Variants in FRMD4B observed in about 807,000 individuals in gnomAD.
FRMD4B encodes the protein FERM domain containing 4B.
FRMD4B carries 74 observed loss-of-function variants against 141.5 expected under a neutral mutation model. The ratio of observed to expected loss-of-function variants is 0.52; its 90% CI spans 0.43 to 0.63. The LOEUF is 0.63. FRMD4B is among the 30% of genes least tolerant of loss of function. FRMD4B has a pLI of 0.00. For synonymous variants in FRMD4B, 506 were observed against 467.9 expected, an observed-to-expected ratio of 1.08 and a Z score of -1.05; for missense variants, 1,366 against 1,253.4, an observed-to-expected ratio of 1.09 and a Z score of -1.36.
At chr3:69,464,843 C>T (rs1208145800) in intron 1 of FRMD4B, among the ~76,000 whole-genome samples, 3 of 152,132 alleles carry the variant, frequency 2.0e-5, no homozygotes, top group Admixed American at 6.5e-5. Context: ...AATTACAACA[C>T]GGCAATGAAA....
intron 1 of FRMD4B, among the ~76,000 whole-genome samples, chr3:69,465,575 G>A (rs1376337871): frequency 6.7e-6 from 1 of 149,404 alleles, no homozygotes; most frequent in Non-Finnish European, 1.5e-5. Flanking sequence ...GGTGTGTGAC[G>A]TTCCCCACCC....
chr3:69,491,383 A>T (rs1706298691), intron 1 of FRMD4B, among the ~76,000 whole-genome samples: 1 of 152,192 alleles, frequency 6.6e-6, no homozygotes, highest in East Asian at 1.9e-4. Flanking sequence ...GGAAAAAAGA[A>T]AGAAAAAGAT....
chr3:69,521,292 T>A (rs1700850032), intron 1 of FRMD4B, among the ~76,000 whole-genome samples: 1 of 152,184 alleles, frequency 6.6e-6, no homozygotes, highest in African/African-American at 2.4e-5. Flanking sequence ...CAAAATTAAC[T>A]TCTTGGCAGT....
intron 11 of FRMD4B, chr3:69,200,878 A>T (rs923530060): frequency 1.1e-5 from 5 of 458,542 alleles, no homozygotes; most frequent in South Asian, 7.7e-5. Context: ...CTTTGCGTCC[A>T]TTCCCACACA....
chr3:69,225,047 T>C (rs1010282406), intron 7 of FRMD4B, among the ~76,000 whole-genome samples: 48 of 152,110 alleles, frequency 3.2e-4, no homozygotes, highest in African/African-American at 1.0e-3. Flanking sequence ...ATATTCATCA[T>C]GGTGGAATAC....
At chr3:69,280,766 C>T (rs2093641117) in intron 5 of FRMD4B, among the ~76,000 whole-genome samples, 1 of 150,394 alleles carries the variant, frequency 6.6e-6, no homozygotes, top group African/African-American at 2.5e-5. Context: ...ACCATAGGTA[C>T]ATGTCACCAA....
chr3:69,267,577 ATGTG>A (rs757634766), intron 5 of FRMD4B, among the ~76,000 whole-genome samples: 499 of 45,258 alleles, frequency 0.011, 14 homozygotes, highest in African/African-American at 0.042. Context: ...ATATATATAT[ATGTG>A]TGTGTGTGTG....
chr3:69,212,381 G>GAAAAAAAAAAAAAAAAAAAAAAAAAAA (rs61444871), intron 11 of FRMD4B, among the ~76,000 whole-genome samples: 1 of 95,598 alleles, frequency 1.0e-5, no homozygotes, highest in Non-Finnish European at 1.9e-5. Flanking sequence ...AAAAAAAAAA[G>GAAAAAAAAAAAAAAAAAAAAAAAAAAA]AAAAAAAAAA....
intron 2 of FRMD4B, among the ~76,000 whole-genome samples, chr3:69,402,547 GGGGA>G (rs1704582586): frequency 2.0e-5 from 3 of 152,180 alleles, no homozygotes; most frequent in Admixed American, 6.5e-5. Flanking sequence ...GCTTTGAGAA[GGGGA>G]GGATGTTTTG....
chr3:69,349,422 C>G (rs1446377871), intron 1 of FRMD4B, among the ~76,000 whole-genome samples: 1 of 152,148 alleles, frequency 6.6e-6, no homozygotes, highest in African/African-American at 2.4e-5. Context: ...AGATTCAAAG[C>G]CATTCCCATC....
intron 1 of FRMD4B, among the ~76,000 whole-genome samples, chr3:69,348,136 A>G (rs865798344): frequency 1.3e-5 from 2 of 152,234 alleles, no homozygotes; most frequent in Non-Finnish European, 2.9e-5. Flanking sequence ...TGCAATAAAA[A>G]ATGATAAAGG....
Position 69,383,322 on chromosome 3 carries a change from T to C in FRMD4B, c.162+2506A>G, listed in dbSNP as rs553182046. On this transcript the variant is annotated intron_variant, in intron 1 of 22. Transcript: ENST00000398540. ...AATGATCTTCCTTTGCAAAGGATTA[T>C]GTTGCACAATTAAGAATATTCAAAG... Among the ~76,000 whole-genome samples, 6 of 152,376 alleles carry C rather than the reference T, an allele frequency of 3.9e-5. No individual in the cohort carries two copies. The South Asian group carries it at 1.2e-3, about 32-fold the overall frequency.
chr3:69,496,637 A>AGAGAGAAAGAGAGAG (rs1706399949), intron 1 of FRMD4B, among the ~76,000 whole-genome samples: 1 of 56,474 alleles, frequency 1.8e-5, no homozygotes, highest in African/African-American at 8.1e-5. Context: ...GAGAGAGAGA[A>AGAGAGAAAGAGAGAG]AGAGAGAGAG....
At chr3:69,301,935 G>A (rs1701231282) in intron 4 of FRMD4B, among the ~76,000 whole-genome samples, 1 of 152,160 alleles carries the variant, frequency 6.6e-6, no homozygotes, top group African/African-American at 2.4e-5. Context: ...TTATTTTTAA[G>A]TCTGTAGAAA....
intron 1 of FRMD4B, among the ~76,000 whole-genome samples, chr3:69,470,402 A>C (rs1008070317): frequency 6.6e-6 from 1 of 152,176 alleles, no homozygotes; most frequent in African/African-American, 2.4e-5. Flanking sequence ...GTTCTACTTC[A>C]AATTACCAGT....
At chr3:69,223,591 C>T (rs1318703125) in intron 8 of FRMD4B, among the ~76,000 whole-genome samples, 1 of 152,036 alleles carries the variant, frequency 6.6e-6, no homozygotes, top group Non-Finnish European at 1.5e-5. Flanking sequence ...GTAATCCCAG[C>T]ATTTTGGGAG....
At chr3:69,263,396 C>CTTTTTTTTT (rs67497031) in intron 5 of FRMD4B, among the ~76,000 whole-genome samples, 3 of 72,918 alleles carry the variant, frequency 4.1e-5, no homozygotes, top group African/African-American at 1.2e-4. Context: ...GTTACATGCA[C>CTTTTTTTTT]TTTTTTTTTT....
At chr3:69,540,357 G>A (rs6549232) in intron 1 of FRMD4B, among the ~76,000 whole-genome samples, 27,948 of 151,482 alleles carry the variant, frequency 0.18, 2,756 homozygotes, top group African/African-American at 0.25. Flanking sequence ...GCTCACCCCT[G>A]TAATCCCAGC....
At chr3:69,533,720 C>T (rs1456581083) in intron 1 of FRMD4B, among the ~76,000 whole-genome samples, 1 of 152,148 alleles carries the variant, frequency 6.6e-6, no homozygotes, top group Non-Finnish European at 1.5e-5. Flanking sequence ...CTGGAACTCT[C>T]CACCTGCTGC....
Sources: allele counts gnomAD v4.1 joint callset (sites outside exome capture counted in the v4.1 genomes callset), GRCh38; gene constraint gnomAD v4.1.1; transcripts MANE v1.5; gene names NCBI Gene and HGNC (gene_info 2026-07-23, HGNC 2026-07-21).